The following PKIB variants were observed in gnomAD, a reference collection of about 807,000 sequenced individuals.
PKIB encodes PKI-beta.
In PKIB, 2 loss-of-function variants were observed where a neutral mutation model predicts 4.5. The observed-to-expected ratio is 0.44, with a 90% CI of 0.18 to 1.39. The LOEUF is 1.39. PKIB is among the 40% of genes most tolerant of loss of function. The pLI is 0.27. For synonymous variants in PKIB, 38 were observed against 36.0 expected, an observed-to-expected ratio of 1.06 and a Z score of -0.20; for missense variants, 94 against 92.6, an observed-to-expected ratio of 1.02 and a Z score of -0.06.
intron 2 of PKIB, among the ~76,000 whole-genome samples, chr6:122,485,438 A>G (rs1293205897): frequency 6.6e-6 from 1 of 152,210 alleles, no homozygotes; most frequent in Non-Finnish European, 1.5e-5. Context: ...TTAAAATATT[A>G]GAACAAACTA....
At chr6:122,510,562 G>C (rs1368432550) in intron 2 of PKIB, among the ~76,000 whole-genome samples, 2 of 152,168 alleles carry the variant, frequency 1.3e-5, no homozygotes, top group Admixed American at 1.3e-4. Context: ...TGGGAGATGG[G>C]AGCTCGGGTT....
chr6:122,617,214 A>G (rs1279524649), intron 1 of PKIB, among the ~76,000 whole-genome samples: 2 of 152,156 alleles, frequency 1.3e-5, no homozygotes, highest in Admixed American at 6.5e-5. Flanking sequence ...CTGAAATCAA[A>G]CAGTCATTTC....
intron 2 of PKIB, chr6:122,483,915 C>T (rs1775691858): frequency 6.6e-6 from 1 of 152,194 alleles, no homozygotes; most frequent in South Asian, 2.1e-4. Flanking sequence ...CAATTGCCTT[C>T]AGCACAAAGT....
At chr6:122,634,945 G>GA (rs1194939401) in intron 2 of PKIB, among the ~76,000 whole-genome samples, 142 of 115,916 alleles carry the variant, frequency 1.2e-3, no homozygotes, top group African/African-American at 1.2e-3. Flanking sequence ...CCATCTCAAA[G>GA]AAAAAAAAAA....
At chr6:122,627,741 A>G (rs1266747629) in intron 1 of PKIB, among the ~76,000 whole-genome samples, 1 of 152,240 alleles carries the variant, frequency 6.6e-6, no homozygotes, top group Non-Finnish European at 1.5e-5. Context: ...TCAGTCTCAC[A>G]GACAGTTAAT....
chr6:122,693,229 T>C (rs1421605996), intron 3 of PKIB, among the ~76,000 whole-genome samples: 3 of 152,242 alleles, frequency 2.0e-5, no homozygotes, highest in Non-Finnish European at 4.4e-5. Flanking sequence ...TTCAGTACTC[T>C]AGGGTGTAGT....
intron 2 of PKIB, among the ~76,000 whole-genome samples, chr6:122,667,482 A>G (rs1429015521): frequency 1.3e-5 from 2 of 152,146 alleles, no homozygotes; most frequent in Non-Finnish European, 2.9e-5. Flanking sequence ...GCTTGCAGTG[A>G]GCCGAGATGA....
At chr6:122,599,479 T>C (rs1220466397) in intron 3 of PKIB, among the ~76,000 whole-genome samples, 1 of 152,196 alleles carries the variant, frequency 6.6e-6, no homozygotes, top group Admixed American at 6.5e-5. Flanking sequence ...TATCTGTTTT[T>C]CCACAATTTC....
At chr6:122,595,826 G>A (rs1395148653) in intron 3 of PKIB, among the ~76,000 whole-genome samples, 1 of 152,182 alleles carries the variant, frequency 6.6e-6, no homozygotes, top group African/African-American at 2.4e-5. Context: ...GATGACAGGG[G>A]TGGCTGGGGA....
intron 2 of PKIB, among the ~76,000 whole-genome samples, chr6:122,580,333 G>A (rs1035097199): frequency 2.0e-5 from 3 of 152,062 alleles, no homozygotes; most frequent in African/African-American, 4.8e-5. Context: ...ATTTTGATGG[G>A]AAACTGGGAC....
At chr6:122,542,056 G>A (rs2114638674) in intron 2 of PKIB, among the ~76,000 whole-genome samples, 1 of 151,808 alleles carries the variant, frequency 6.6e-6, no homozygotes, top group Middle Eastern at 3.4e-3. Context: ...GGACTTCTCT[G>A]CGTTGGTTAT....
intron 1 of PKIB, among the ~76,000 whole-genome samples, chr6:122,475,136 C>T (rs1376851475): frequency 2.6e-5 from 4 of 151,902 alleles, no homozygotes; most frequent in Admixed American, 1.3e-4. Flanking sequence ...CAAATTCCAG[C>T]GATTCTCCTG....
rs79577434 is a variant in PKIB at position 122,655,964 on chromosome 6, T to G, written c.-75-19114T>G. Among the ~76,000 whole-genome samples, 9 of 152,238 alleles carry G rather than the reference T, an allele frequency of 5.9e-5. No homozygotes were observed. The East Asian group carries it at 1.2e-3, about 20-fold the overall frequency. On this transcript the variant is annotated intron_variant, in intron 2 of 4. Coordinates refer to ENST00000368452, the MANE Select transcript of PKIB (RefSeq NM_181795.3). ...AAAAGGTGCTTGAAATTGTAAAAAT[T>G]GAGCTCAACGGTAACCATATTATAT...
chr6:122,636,626 C>T (rs996842420), intron 2 of PKIB, among the ~76,000 whole-genome samples: 3 of 151,976 alleles, frequency 2.0e-5, no homozygotes, highest in Non-Finnish European at 2.9e-5. Flanking sequence ...ATGTTGTACA[C>T]GTTAGCTTCC....
chr6:122,663,393 G>A (rs1375872164), intron 2 of PKIB, among the ~76,000 whole-genome samples: 1 of 152,152 alleles, frequency 6.6e-6, no homozygotes, highest in South Asian at 2.1e-4. Context: ...CCCTCCAGGA[G>A]CTGCTAAGAG....
intron 3 of PKIB, among the ~76,000 whole-genome samples, chr6:122,590,169 C>G (rs769293878): frequency 6.6e-6 from 1 of 152,006 alleles, no homozygotes. Flanking sequence ...AAGCTCTGAG[C>G]CTGCTGCAGG....
At chr6:122,502,830 A>C (rs1325297114) in intron 2 of PKIB, among the ~76,000 whole-genome samples, 4 of 152,188 alleles carry the variant, frequency 2.6e-5, no homozygotes, top group African/African-American at 7.2e-5. Flanking sequence ...AAATCTCAGT[A>C]ATTTTTCATT....
upstream of PKIB, among the ~76,000 whole-genome samples, chr6:122,605,311 A>G (rs1404493127): frequency 2.7e-5 from 4 of 150,100 alleles, no homozygotes; most frequent in South Asian, 6.3e-4. Flanking sequence ...GATGGAATTT[A>G]TGGTTCCTGT....
chr6:122,554,331 G>A (rs1395736429), intron 2 of PKIB, among the ~76,000 whole-genome samples: 1 of 152,260 alleles, frequency 6.6e-6, no homozygotes. Flanking sequence ...TTGAAATGTA[G>A]ATATTTAAAT....
Sources: gnomAD v4.1 joint callset for allele counts (sites outside exome capture counted in the v4.1 genomes callset) on GRCh38, gnomAD v4.1.1 for gene constraint, MANE v1.5 for transcripts, NCBI Gene and HGNC (gene_info 2026-07-23, HGNC 2026-07-21) for gene names.